FER: variants seen among roughly 807,000 people sequenced by gnomAD.
FER encodes the protein tyrosine-protein kinase Fer.
A neutral mutation model predicts 111.0 loss-of-function variants in FER; 63 were observed. The ratio of observed to expected loss-of-function variants is 0.57; its 90% CI spans 0.46 to 0.70. The LOEUF is 0.70. Among genes scored for constraint, FER ranks in the 30% least tolerant of loss-of-function variants. The pLI, the probability that FER is intolerant of heterozygous loss-of-function variation, is 0.00. For synonymous variants in FER, 327 were observed against 313.9 expected, an observed-to-expected ratio of 1.04 and a Z score of -0.44; for missense variants, 914 against 954.0, an observed-to-expected ratio of 0.96 and a Z score of 0.55.
chr5:108,901,010 A>C (rs138909680), intron 10 of FER, among the ~76,000 whole-genome samples: 2 of 152,178 alleles, frequency 1.3e-5, no homozygotes, highest in Admixed American at 1.3e-4. Flanking sequence ...GGAGGGCTTC[A>C]TCCTTATGGA....
At chr5:108,823,667 A>G (rs1759138722) in intron 3 of FER, among the ~76,000 whole-genome samples, 1 of 152,154 alleles carries the variant, frequency 6.6e-6, no homozygotes, top group Non-Finnish European at 1.5e-5. Context: ...AGTTCCTTAC[A>G]TATTTATATC....
At chr5:109,086,342 T>A (rs2046500520) in intron 16 of FER, among the ~76,000 whole-genome samples, 1 of 151,788 alleles carries the variant, frequency 6.6e-6, no homozygotes, top group Admixed American at 6.6e-5. Flanking sequence ...ATTATTCTTT[T>A]CCCATCTGTA....
At chr5:108,885,629 C>T (rs867037500) in intron 9 of FER, among the ~76,000 whole-genome samples, 6 of 151,730 alleles carry the variant, frequency 4.0e-5, no homozygotes, top group Admixed American at 1.3e-4. Context: ...AAGAGCTCCC[C>T]GGGATCTCTT....
At chr5:108,783,067 CTT>C (rs1237946098) in intron 2 of FER, among the ~76,000 whole-genome samples, 7 of 152,276 alleles carry the variant, frequency 4.6e-5, no homozygotes, top group Non-Finnish European at 7.4e-5. Flanking sequence ...GTCTGGCTCT[CTT>C]TCTCTTCTCC....
intron 17 of FER, among the ~76,000 whole-genome samples, chr5:109,141,636 T>A (rs1753531201): frequency 6.6e-6 from 1 of 152,180 alleles, no homozygotes; most frequent in East Asian, 1.9e-4. Flanking sequence ...GGAGAGTCAG[T>A]TACTTCCACA....
chr5:108,997,636 C>A (rs1764169219), intron 13 of FER, among the ~76,000 whole-genome samples: 1 of 152,072 alleles, frequency 6.6e-6, no homozygotes, highest in Non-Finnish European at 1.5e-5. Flanking sequence ...GGCAGTCTTA[C>A]CCTTAGCAGA....
At chr5:108,956,490 G>A (rs913008303) in intron 12 of FER, among the ~76,000 whole-genome samples, 1 of 151,564 alleles carries the variant, frequency 6.6e-6, no homozygotes, top group Admixed American at 6.6e-5. Context: ...AAAAAGGAAA[G>A]GGTCAGTGTG....
chr5:108,758,708 G>A (rs1751391186), intron 1 of FER, among the ~76,000 whole-genome samples: 1 of 152,142 alleles, frequency 6.6e-6, no homozygotes, highest in Admixed American at 6.5e-5. Flanking sequence ...TCTGGATTAG[G>A]TGCTAATTAC....
chr5:109,047,256 T>G, intron 16 of FER, 58 bp downstream of exon 16: 1 of 995,054 alleles, frequency 1.0e-6, no homozygotes, highest in Non-Finnish European at 1.6e-6. Context: ...TTTATTGTTT[T>G]TATATGTTCG....
intron 17 of FER, among the ~76,000 whole-genome samples, chr5:109,180,186 T>A (rs562378361): frequency 1.3e-5 from 2 of 152,282 alleles, no homozygotes; most frequent in African/African-American, 4.8e-5. Context: ...CAGGGCCAGA[T>A]GCAGCAGAAA....
chr5:109,164,013 T>C (rs72798571), intron 17 of FER, among the ~76,000 whole-genome samples: 4,854 of 152,276 alleles, frequency 0.032, 110 homozygotes, highest in Middle Eastern at 0.092. Context: ...GTTGTATTAG[T>C]AGTCAGTCAC....
intron 16 of FER, among the ~76,000 whole-genome samples, chr5:109,095,098 C>T (rs1747333391): frequency 6.6e-6 from 1 of 152,082 alleles, no homozygotes; most frequent in Admixed American, 6.6e-5. Flanking sequence ...GCAAAAGGTT[C>T]GTGCTATTCT....
chr5:109,149,433 C>G (rs1230828395), intron 17 of FER, among the ~76,000 whole-genome samples: 1 of 152,162 alleles, frequency 6.6e-6, no homozygotes, highest in Non-Finnish European at 1.5e-5. Context: ...GAAAACTGCT[C>G]TATTTGAGTC....
At chr5:108,771,260 C>T (rs1752869994) in intron 2 of FER, among the ~76,000 whole-genome samples, 1 of 152,060 alleles carries the variant, frequency 6.6e-6, no homozygotes. Context: ...AAGATGTTTT[C>T]TCAAAAAAGT....
At chr5:108,784,786 C>T (rs927049753) in intron 2 of FER, among the ~76,000 whole-genome samples, 5 of 152,148 alleles carry the variant, frequency 3.3e-5, no homozygotes, top group African/African-American at 9.7e-5. Flanking sequence ...GGAACATGTC[C>T]CTCAGGCACA....
At chr5:108,804,249 C>G (rs1399164127) in intron 3 of FER, among the ~76,000 whole-genome samples, 1 of 152,040 alleles carries the variant, frequency 6.6e-6, no homozygotes, top group Non-Finnish European at 1.5e-5. Flanking sequence ...GTATTTAGGG[C>G]TTTGTAGGTA....
intron 5 of FER, among the ~76,000 whole-genome samples, chr5:108,862,771 G>A (rs1380935213): frequency 2.6e-5 from 4 of 151,742 alleles, no homozygotes; most frequent in African/African-American, 7.3e-5. Context: ...CTTTTGAACT[G>A]TTGTCAGAAT....
intron 18 of FER, among the ~76,000 whole-genome samples, chr5:109,183,324 C>T (rs936829844): frequency 3.4e-5 from 5 of 147,182 alleles, no homozygotes; most frequent in South Asian, 2.1e-4. Flanking sequence ...TCTAGGCTCA[C>T]GGCAACCTCT....
intron 7 of FER, 87 bp downstream of exon 7, chr5:108,871,589 TA>T: frequency 4.1e-6 from 4 of 979,202 alleles, no homozygotes; most frequent in South Asian, 2.5e-5. Context: ...AAATAAGAAA[TA>T]CTTAAGATCT....
Sources: allele counts gnomAD v4.1 joint callset (sites outside exome capture counted in the v4.1 genomes callset), GRCh38; gene constraint gnomAD v4.1.1; transcripts MANE v1.5; gene names NCBI Gene and HGNC (gene_info 2026-07-23, HGNC 2026-07-21).